NXPH1: variants seen among roughly 807,000 people sequenced by gnomAD.
The protein encoded by NXPH1 is neurexophilin 1.
A neutral mutation model predicts 23.7 loss-of-function variants in NXPH1; 5 were observed. That is an observed-to-expected ratio of 0.21 (90% CI 0.11 to 0.44). The LOEUF is 0.44. NXPH1 is among the 20% of genes least tolerant of loss of function. NXPH1 has a pLI of 0.99. For missense variants in NXPH1, 324 were observed against 321.6 expected (o/e 1.01, Z -0.06); for synonymous variants, 144 against 122.2 (o/e 1.18, Z -1.18).
At chr7:8,458,252 A>G (rs1040742044) in intron 2 of NXPH1, among the ~76,000 whole-genome samples, 3 of 152,214 alleles carry the variant, frequency 2.0e-5, no homozygotes, top group Non-Finnish European at 4.4e-5. Flanking sequence ...ATTGACTAGT[A>G]GGAAGAAGAC....
At chr7:8,476,730 G>A (rs1247068568) in intron 2 of NXPH1, among the ~76,000 whole-genome samples, 1 of 151,960 alleles carries the variant, frequency 6.6e-6, no homozygotes, top group African/African-American at 2.4e-5. Context: ...ACTGTAATGT[G>A]TTATACAAAA....
At chr7:8,640,649 G>C (rs1820293676) in intron 2 of NXPH1, among the ~76,000 whole-genome samples, 1 of 151,992 alleles carries the variant, frequency 6.6e-6, no homozygotes, top group East Asian at 1.9e-4. Context: ...TTTAAAATTA[G>C]CTTATGAAGT....
chr7:8,721,516 C>T (rs2115207068), intron 2 of NXPH1, among the ~76,000 whole-genome samples: 1 of 152,326 alleles, frequency 6.6e-6, no homozygotes, highest in Admixed American at 6.5e-5. Context: ...TGGCTCACGC[C>T]TGTAATCCCA....
At chr7:8,630,345 T>A (rs1820101681) in intron 2 of NXPH1, among the ~76,000 whole-genome samples, 1 of 152,152 alleles carries the variant, frequency 6.6e-6, no homozygotes, top group Admixed American at 6.6e-5. Flanking sequence ...GTCTCACTAT[T>A]CTCAAGATAT....
chr7:8,730,647 T>C (rs1583250274), intron 2 of NXPH1, among the ~76,000 whole-genome samples: 1 of 152,216 alleles, frequency 6.6e-6, no homozygotes, highest in Non-Finnish European at 1.5e-5. Context: ...ATTCTTTTCT[T>C]TAAGAATGTT....
At chr7:8,743,835 C>T (rs908159270) in intron 2 of NXPH1, among the ~76,000 whole-genome samples, 4 of 152,062 alleles carry the variant, frequency 2.6e-5, no homozygotes, top group African/African-American at 7.2e-5. Flanking sequence ...AGGCACCCAC[C>T]ACCGTGCCCG....
intron 2 of NXPH1, among the ~76,000 whole-genome samples, chr7:8,739,044 G>A (rs1780313265): frequency 6.6e-6 from 1 of 152,018 alleles, no homozygotes; most frequent in Non-Finnish European, 1.5e-5. Context: ...CAAGCCAGTG[G>A]ATCTTAGCTT....
intron 2 of NXPH1, among the ~76,000 whole-genome samples, chr7:8,626,965 C>A (rs1235507626): frequency 1.3e-5 from 2 of 152,106 alleles, no homozygotes; most frequent in Non-Finnish European, 2.9e-5. Flanking sequence ...GGACAAAGAG[C>A]CTCTCTGGGT....
intron 2 of NXPH1, among the ~76,000 whole-genome samples, chr7:8,633,262 G>A (rs1370764100): frequency 2.0e-5 from 3 of 152,078 alleles, no homozygotes; most frequent in African/African-American, 4.8e-5. Flanking sequence ...GAAACACTGT[G>A]TCTACTAAAA....
rs1441334546 is a variant in NXPH1 at position 8,751,861 on chromosome 7, G to T, written c.*92G>T. On this transcript the variant is annotated 3_prime_UTR_variant, in exon 3 of 3. Transcript: ENST00000405863. This position sits in a 1 kb window ranked among gnomAD's most constrained non-coding sequence, Gnocchi z 4.5. Reference sequence around the variant, plus strand: ...AAGAAGAAGGTCACATCTGTTGCCTGGAATGTGTCTACACTGCTGCTCTTG... The same window carrying T: ...AAGAAGAAGGTCACATCTGTTGCCTTGAATGTGTCTACACTGCTGCTCTTG... 5 of 1,219,804 alleles carry T rather than the reference G, an allele frequency of 4.1e-6. No homozygotes were observed. Among genetic ancestry groups the T allele is most frequent in the Middle Eastern group, 2.4e-4 (1 of 4,204 alleles). The allele number at this position is 1,219,804 out of a possible 1,614,324, so 75.6% of individuals were successfully genotyped here.
intron 2 of NXPH1, among the ~76,000 whole-genome samples, chr7:8,748,857 T>A (rs1780517045): frequency 6.6e-6 from 1 of 152,210 alleles, no homozygotes; most frequent in African/African-American, 2.4e-5. Flanking sequence ...TCAGCATTAT[T>A]AGGAAGATGA....
rs947116762 is a variant in NXPH1 at position 8,435,509 on chromosome 7, C to G, written c.-110-95C>G. On this transcript the variant is annotated intron_variant, in intron 1 of 2. Transcript: ENST00000405863. The surrounding 1 kb of genome is among the most constrained non-coding windows in gnomAD (Gnocchi z 5.9). ...ACCCTCCCTCCCTTTTTTTTTTGGT[C>G]CCCCACTCCCCGCTACGACCCCCTT... The G allele has an allele frequency of 1.1e-5, 6 of 542,382 alleles. No homozygotes were observed. Among genetic ancestry groups the G allele is most frequent in the East Asian group, 3.0e-5 (1 of 33,002 alleles). The allele number at this position is 542,382 out of a possible 1,614,324, so 33.6% of individuals were successfully genotyped here.
chr7:8,500,782 T>C (rs1240815502), intron 2 of NXPH1, among the ~76,000 whole-genome samples: 1 of 152,112 alleles, frequency 6.6e-6, no homozygotes, highest in Non-Finnish European at 1.5e-5. Flanking sequence ...TTTTACTTTC[T>C]TAACCTCATT....
rs568860026 is a variant in NXPH1 at position 8,684,105 on chromosome 7, A to C, written c.55-66903A>C. Among the ~76,000 whole-genome samples, 19 of 152,300 alleles carry C rather than the reference A, an allele frequency of 1.2e-4. No homozygotes were observed. In the South Asian group the frequency reaches 3.7e-3, roughly 30 times the overall value. The stretch of plus-strand genomic sequence containing the variant: ...GATTAAGTTTGATGTATAGGACATA[A>C]GAAGAAAATCCCTGGGAAACAAGCT... On this transcript the variant is annotated intron_variant, in intron 2 of 2. Transcript: ENST00000405863.
At chr7:8,659,454 C>G (rs1157178354) in intron 2 of NXPH1, among the ~76,000 whole-genome samples, 4 of 152,126 alleles carry the variant, frequency 2.6e-5, no homozygotes, top group African/African-American at 9.7e-5. Context: ...CGTCTGGAAA[C>G]CGTCATTCTC....
intron 2 of NXPH1, among the ~76,000 whole-genome samples, chr7:8,535,420 C>T (rs1818012602): frequency 6.6e-6 from 1 of 151,876 alleles, no homozygotes; most frequent in South Asian, 2.1e-4. Flanking sequence ...TGGCTATTAA[C>T]AAAAATATAC....
intron 2 of NXPH1, among the ~76,000 whole-genome samples, chr7:8,737,853 T>A (rs1401928284): frequency 6.6e-6 from 1 of 152,206 alleles, no homozygotes; most frequent in African/African-American, 2.4e-5. Context: ...TTTTCTCTAA[T>A]CTTGTCTTCA....
At chr7:8,640,729 G>A (rs1429904887) in intron 2 of NXPH1, among the ~76,000 whole-genome samples, 1 of 152,148 alleles carries the variant, frequency 6.6e-6, no homozygotes, top group Non-Finnish European at 1.5e-5. Flanking sequence ...GTCAAGGCAG[G>A]AGGACTGCTA....
chr7:8,453,476 T>C (rs1335161456), intron 2 of NXPH1, among the ~76,000 whole-genome samples: 2 of 152,132 alleles, frequency 1.3e-5, no homozygotes, highest in East Asian at 1.9e-4. Context: ...TGGGGTTGTT[T>C]TATAAACTTA....
Sources: allele counts gnomAD v4.1 joint callset (sites outside exome capture counted in the v4.1 genomes callset), GRCh38; gene constraint gnomAD v4.1.1; non-coding constraint Gnocchi (gnomAD v3.1); transcripts MANE v1.5; gene names NCBI Gene and HGNC (gene_info 2026-07-23, HGNC 2026-07-21).